The following DPYSL2 variants were observed in gnomAD, a reference collection of about 807,000 sequenced individuals.
The protein encoded by DPYSL2 is dihydropyrimidinase-related protein 2.
A neutral mutation model predicts 69.9 loss-of-function variants in DPYSL2; 13 were observed. The ratio of observed to expected loss-of-function variants is 0.19; its 90% CI spans 0.12 to 0.30. The LOEUF (loss-of-function observed/expected upper bound fraction) is 0.30, where lower values mean the gene tolerates loss of function less well. DPYSL2 is among the 10% of genes least tolerant of loss of function. DPYSL2 has a pLI of 1.00. For missense variants in DPYSL2, 587 were observed against 918.9 expected, an observed-to-expected ratio of 0.64 and a Z score of 4.67; for synonymous variants, 326 against 359.1, an observed-to-expected ratio of 0.91 and a Z score of 1.04.
rs1280160431 is a variant in DPYSL2 at position 26,514,925 on chromosome 8, G to T, written c.354+246G>T. Among the ~76,000 whole-genome samples, 4 of 152,248 alleles carry T rather than the reference G, an allele frequency of 2.6e-5. No homozygotes were observed. The highest frequency in any genetic ancestry group is 5.9e-5 in the Non-Finnish European group (4 of 68,034). On this transcript the variant is annotated intron_variant, in intron 1 of 13. Transcript: ENST00000521913. This position sits in a 1 kb window ranked among gnomAD's most constrained non-coding sequence, Gnocchi z 8.4. ...CTTGAGCTTGAGAGGTGGGGCGTGG[G>T]CATAGGGAATGGGCTGATCCCCTGC...
chr8:26,612,093 C>T (rs1802242503), intron 3 of DPYSL2, among the ~76,000 whole-genome samples: 1 of 152,252 alleles, frequency 6.6e-6, no homozygotes, highest in East Asian at 1.9e-4. Flanking sequence ...ATGTAGGACT[C>T]AGTCCCCCAG....
intron 8 of DPYSL2, 119 bp downstream of exon 8, chr8:26,635,019 G>C: frequency 7.0e-7 from 1 of 1,431,272 alleles, no homozygotes; most frequent in Non-Finnish European, 9.4e-7. Context: ...CTTGCACCAT[G>C]TTCTGGCATT....
chr8:26,557,032 T>G (rs894904380), intron 1 of DPYSL2, among the ~76,000 whole-genome samples: 3 of 152,034 alleles, frequency 2.0e-5, no homozygotes, highest in Non-Finnish European at 4.4e-5. Context: ...TGCAAAAACA[T>G]AAATCTAGAC....
At chr8:26,543,275 T>G (rs1036667023) in intron 1 of DPYSL2, among the ~76,000 whole-genome samples, 6 of 152,228 alleles carry the variant, frequency 3.9e-5, no homozygotes, top group Non-Finnish European at 8.8e-5. Context: ...GCCAAAGAGA[T>G]GCACATACGT....
At position 26,609,249 on chromosome 8, in the gene DPYSL2, G is replaced by T. The variant is rs1056767985; in HGVS notation, c.629-14894G>T. On this transcript the variant is annotated intron_variant, in intron 3 of 13. Coordinates refer to ENST00000521913, the MANE Select transcript of DPYSL2 (RefSeq NM_001197293.3). The surrounding 1 kb of genome is among the most constrained non-coding windows in gnomAD (Gnocchi z 6.5). ...TTTTTGTAATCAAATCATGGGGTTT[G>T]TGTGTAGAACTCAGTAAGAAGTAAT... 6.6e-6 allele frequency among the ~76,000 whole-genome samples: 1 copy of T among 152,202 alleles called. No individual in the cohort carries two copies.
chr8:26,524,801 C>CAAAAAAAAA (rs753822230), intron 1 of DPYSL2, among the ~76,000 whole-genome samples: 1 of 41,110 alleles, frequency 2.4e-5, no homozygotes, highest in Non-Finnish European at 4.0e-5. Flanking sequence ...GACTCTGTCT[C>CAAAAAAAAA]AAAAAAAAAA....
In DPYSL2 at chr8:26,643,720, C is replaced by T; in HGVS notation, c.1283+125C>T. On this transcript the variant is annotated intron_variant, in intron 9 of 13. Coordinates refer to ENST00000521913, the MANE Select transcript of DPYSL2 (RefSeq NM_001197293.3). This position sits in a 1 kb window ranked among gnomAD's most constrained non-coding sequence, Gnocchi z 6.5. ...AACTGGGAGACCCTTGTTCACCAAA[C>T]TAGGTTGGCTACATGAGTACAGGGA... 1 of 1,406,284 alleles carries T rather than the reference C, an allele frequency of 7.1e-7. No homozygotes were observed. Among genetic ancestry groups the T allele is most frequent in the East Asian group, 2.3e-5 (1 of 42,626 alleles). 87.1% of individuals were successfully genotyped at this position (1,406,284 alleles called of 1,614,324 possible).
Position 26,619,747 on chromosome 8 carries a change from G to A in DPYSL2, c.629-4396G>A, listed in dbSNP as rs2129884623. On this transcript the variant is annotated intron_variant, in intron 3 of 13. Coordinates refer to ENST00000521913, the MANE Select transcript of DPYSL2 (RefSeq NM_001197293.3). This position sits in a 1 kb window ranked among gnomAD's most constrained non-coding sequence, Gnocchi z 4.8. Reference sequence around the variant, plus strand: ...TTTTTATGTTATTTTTTTGAGACAGGGTCTTGCTGTGTTGCCCAGGCTGGT... The same window carrying A: ...TTTTTATGTTATTTTTTTGAGACAGAGTCTTGCTGTGTTGCCCAGGCTGGT... 1 of 152,380 alleles carries A rather than the reference G, an allele frequency of 6.6e-6. No homozygotes were observed. The highest frequency in any genetic ancestry group is 2.4e-5 in the African/African-American group (1 of 41,528). 9.4% of individuals were successfully genotyped at this position (152,380 alleles called of 1,614,324 possible).
intron 1 of DPYSL2, among the ~76,000 whole-genome samples, chr8:26,537,124 T>G (rs1225869551): frequency 6.6e-6 from 1 of 152,192 alleles, no homozygotes; most frequent in East Asian, 1.9e-4. Flanking sequence ...TAAATTAATG[T>G]CAAAGGGCTA....
At chr8:26,577,761 C>G in intron 1 of DPYSL2, 4 of 976,690 alleles carry the variant, frequency 4.1e-6, no homozygotes, top group Non-Finnish European at 4.9e-6. Flanking sequence ...CTGCCGCCCC[C>G]GGCCGTTCAC....
intron 3 of DPYSL2, among the ~76,000 whole-genome samples, chr8:26,602,440 G>T (rs1386228386): frequency 4.6e-5 from 7 of 152,114 alleles, no homozygotes; most frequent in African/African-American, 1.7e-4. Context: ...GCGATGAGAT[G>T]GCCCCTCCCA....
chr8:26,617,516 G>C lies in DPYSL2; in HGVS notation c.629-6627G>C, dbSNP rs1802381613. On this transcript the variant is annotated intron_variant, in intron 3 of 13. Transcript: ENST00000521913. The surrounding 1 kb of genome is among the most constrained non-coding windows in gnomAD (Gnocchi z 4.7). Reference sequence around the variant, plus strand: ...TCTCAACAAAAGAAAAAGGATAAAAGAAAAAAAAATTAAAAGTAGGGTCAT... The same window carrying C: ...TCTCAACAAAAGAAAAAGGATAAAACAAAAAAAAATTAAAAGTAGGGTCAT... Among the ~76,000 whole-genome samples, 1 of 151,030 alleles carries C rather than the reference G, an allele frequency of 6.6e-6. No individual in the cohort carries two copies. Among genetic ancestry groups the C allele is most frequent in the Admixed American group, 6.6e-5 (1 of 15,170 alleles).
Position 26,610,630 on chromosome 8 carries a change from T to C in DPYSL2, c.629-13513T>C, listed in dbSNP as rs145959321. On this transcript the variant is annotated intron_variant, in intron 3 of 13. Transcript: ENST00000521913. The surrounding 1 kb of genome is among the most constrained non-coding windows in gnomAD (Gnocchi z 4.5). ...GTCCCTTCCCACGCCCTGTTCCTCA[T>C]TGGAATCCTCTGTCCTAGCCTATCC... is the stretch of plus-strand genomic sequence containing the variant. Among the ~76,000 whole-genome samples the C allele has an allele frequency of 6.1e-3, 928 of 152,152 alleles. 6 individuals are homozygous for C. Among genetic ancestry groups the C allele is most frequent in the Non-Finnish European group, 0.01 (700 of 67,994 alleles).
At position 26,652,490 on chromosome 8, in the gene DPYSL2, G is replaced by T. The variant is rs1585576011; in HGVS notation, c.1776+54G>T. Reference sequence around the variant, plus strand: ...TGTTAAATCACGAATTAAGTTCAAGGCCACAAACATTTATTAAGCACCTTG... The same window carrying T: ...TGTTAAATCACGAATTAAGTTCAAGTCCACAAACATTTATTAAGCACCTTG... On this transcript the variant is annotated intron_variant, in intron 12 of 13. Coordinates refer to ENST00000521913, the MANE Select transcript of DPYSL2 (RefSeq NM_001197293.3). This position sits in a 1 kb window ranked among gnomAD's most constrained non-coding sequence, Gnocchi z 6.3. 3.9e-6 allele frequency: 6 copies of T among 1,535,366 alleles called. No individual in the cohort carries two copies. In the East Asian group the frequency reaches 9.2e-5, roughly 24 times the overall value.
At chr8:26,596,508 G>A (rs774095752) in intron 3 of DPYSL2, among the ~76,000 whole-genome samples, 44 of 152,210 alleles carry the variant, frequency 2.9e-4, no homozygotes, top group Admixed American at 2.7e-3. Context: ...CCTGCCGGGA[G>A]TCATGGGTAG....
At position 26,621,850 on chromosome 8, in the gene DPYSL2, C is replaced by A. The variant is rs537650871; in HGVS notation, c.629-2293C>A. On this transcript the variant is annotated intron_variant, in intron 3 of 13. Transcript: ENST00000521913. The surrounding 1 kb of genome is among the most constrained non-coding windows in gnomAD (Gnocchi z 4.9). Reference sequence around the variant, plus strand: ...TTGGAGAGATCAACTAGGACCGGATCTGACTGGCCAAGAGAAAGAGTTTGA... The same window carrying A: ...TTGGAGAGATCAACTAGGACCGGATATGACTGGCCAAGAGAAAGAGTTTGA... 2.7e-4 allele frequency among the ~76,000 whole-genome samples: 41 copies of A among 152,260 alleles called. No homozygotes were observed. The highest frequency in any genetic ancestry group is 9.6e-4 in the African/African-American group (40 of 41,558).
rs1802866343 is a variant in DPYSL2, at chr8:26,634,801, C to T, written c.1027C>T (p.Arg343Cys). 6.2e-7 allele frequency: 1 copy of T among 1,614,196 alleles called. No individual in the cohort carries two copies. Among genetic ancestry groups the T allele is most frequent in the Non-Finnish European group, 8.5e-7 (1 of 1,180,040 alleles). ...PEEVEAEAVNRAITIANQTNC... is the reference protein window; with the variant it reads ...PEEVEAEAVNCAITIANQTNC... ...GCAGGTCGAGGCCGAAGCCGTGAAT[C>T]GTGCCATCACCATCGCCAACCAGAC... Residue 343 changes from arginine (R) to cysteine (C), a missense_variant, in exon 8 of 14, where the codon CGT (arginine) becomes TGT (cysteine). Coordinates refer to ENST00000521913, the MANE Select transcript of DPYSL2 (RefSeq NM_001197293.3).
At chr8:26,578,312 A>T (rs746980883) in intron 1 of DPYSL2, 2 of 1,614,070 alleles carry the variant, frequency 1.2e-6, no homozygotes, top group African/African-American at 1.3e-5. Flanking sequence ...GGTACTTGGG[A>T]AATCTGCGGT....
Position 26,653,483 on chromosome 8 carries a change from C to G in DPYSL2, c.1942+86C>G. On this transcript the variant is annotated intron_variant, in intron 13 of 13. Transcript: ENST00000521913. This position sits in a 1 kb window ranked among gnomAD's most constrained non-coding sequence, Gnocchi z 5.7. The stretch of plus-strand genomic sequence containing the variant: ...GCTACAGTTGCATTTGGAAAGGACA[C>G]AGAAATAGAAGTGAATGATATTCCC... The G allele has an allele frequency of 7.2e-7, 1 of 1,385,290 alleles. No individual in the cohort carries two copies. Among genetic ancestry groups the G allele is most frequent in the South Asian group, 1.3e-5 (1 of 74,092 alleles). 85.8% of individuals were successfully genotyped at this position (1,385,290 alleles called of 1,614,324 possible).
Sources: gnomAD v4.1 joint callset for allele counts (sites outside exome capture counted in the v4.1 genomes callset) on GRCh38, gnomAD v4.1.1 for gene constraint, Gnocchi (gnomAD v3.1) non-coding constraint, MANE v1.5 for transcripts, NCBI Gene and HGNC (gene_info 2026-07-23, HGNC 2026-07-21) for gene names.